The following AFG1L variants were observed in gnomAD, a reference collection of about 807,000 sequenced individuals.
AFG1L encodes AFG1-like ATPase.
In AFG1L, 53 loss-of-function variants were observed where a neutral mutation model predicts 62.2. The observed-to-expected ratio is 0.85, with a 90% confidence interval of 0.68 to 1.07. The LOEUF (loss-of-function observed/expected upper bound fraction) is 1.07. Among genes scored for constraint, AFG1L ranks in the 50% least tolerant of loss-of-function variants. AFG1L has a pLI of 0.00. For synonymous variants in AFG1L, 228 were observed against 210.3 expected (o/e 1.08, Z -0.73); for missense variants, 555 against 590.5 (o/e 0.94, Z 0.62).
At chr6:108,406,760 G>A in intron 7 of AFG1L, among the ~76,000 whole-genome samples, 1 of 152,066 alleles carries the variant, frequency 6.6e-6, no homozygotes, top group East Asian at 1.9e-4. Flanking sequence ...TTTTCAAATT[G>A]GGCAACATCT....
intron 6 of AFG1L, among the ~76,000 whole-genome samples, chr6:108,399,175 TTTG>T (rs529343131): frequency 0.035 from 4,136 of 117,008 alleles, 219 homozygotes; most frequent in South Asian, 0.081. Context: ...ACTTCTTTTG[TTTG>T]TTTTTTTTTT....
At chr6:108,405,835 G>A (rs1484713062) in intron 7 of AFG1L, among the ~76,000 whole-genome samples, 1 of 152,150 alleles carries the variant, frequency 6.6e-6, no homozygotes, top group Non-Finnish European at 1.5e-5. Flanking sequence ...GTCTGCCTCT[G>A]TGAATTTGTC....
intron 10 of AFG1L, among the ~76,000 whole-genome samples, chr6:108,490,526 A>G (rs1430073622): frequency 6.6e-6 from 1 of 152,248 alleles, no homozygotes; most frequent in African/African-American, 2.4e-5. Context: ...AAAAACTGTA[A>G]GTTGTAAATT....
intron 6 of AFG1L, among the ~76,000 whole-genome samples, chr6:108,381,202 A>G (rs1311167323): frequency 6.6e-6 from 1 of 152,250 alleles, no homozygotes; most frequent in Non-Finnish European, 1.5e-5. Context: ...ATAGGAAATT[A>G]TTTGAAAAGT....
chr6:108,326,726 G>A (rs183922510), intron 2 of AFG1L, among the ~76,000 whole-genome samples: 243 of 152,248 alleles, frequency 1.6e-3, no homozygotes, highest in African/African-American at 4.9e-3. Flanking sequence ...TTGGGAAGCC[G>A]AGGTGGGCAG....
intron 10 of AFG1L, among the ~76,000 whole-genome samples, chr6:108,487,015 T>C (rs988964204): frequency 1.3e-5 from 2 of 152,236 alleles, no homozygotes; most frequent in African/African-American, 2.4e-5. Flanking sequence ...AGTCAGCAAC[T>C]ATTTCTTAAG....
intron 7 of AFG1L, among the ~76,000 whole-genome samples, chr6:108,404,737 A>ATTTG (rs1434533449): frequency 6.6e-6 from 1 of 151,720 alleles, no homozygotes; most frequent in African/African-American, 2.4e-5. Context: ...TTATTTATTT[A>ATTTG]TTTATTTTGA....
chr6:108,351,996 G>C (rs1779100695), intron 3 of AFG1L, among the ~76,000 whole-genome samples: 1 of 152,084 alleles, frequency 6.6e-6, no homozygotes, highest in Non-Finnish European at 1.5e-5. Context: ...AACATTTTCA[G>C]TGTATAATTC....
intron 2 of AFG1L, among the ~76,000 whole-genome samples, chr6:108,335,129 G>T (rs1562091150): frequency 1.3e-5 from 2 of 152,072 alleles, no homozygotes; most frequent in Admixed American, 6.6e-5. Context: ...AAGCAGCTGG[G>T]ATTATAGGCG....
At chr6:108,409,726 G>A (rs1485311938) in intron 7 of AFG1L, among the ~76,000 whole-genome samples, 1 of 152,050 alleles carries the variant, frequency 6.6e-6, no homozygotes, top group African/African-American at 2.4e-5. Context: ...AAAAGCAGAT[G>A]ATAGAATCAA....
At chr6:108,303,190 G>A (rs1777075699) in intron 1 of AFG1L, among the ~76,000 whole-genome samples, 1 of 152,122 alleles carries the variant, frequency 6.6e-6, no homozygotes, top group Non-Finnish European at 1.5e-5. Flanking sequence ...GGGATTACAG[G>A]CATGAGCCAC....
intron 6 of AFG1L, among the ~76,000 whole-genome samples, chr6:108,375,501 C>A (rs1029625012): frequency 6.6e-6 from 1 of 151,868 alleles, no homozygotes; most frequent in South Asian, 2.1e-4. Flanking sequence ...TGTGTTCCTG[C>A]GGTGTCTAGT....
intron 1 of AFG1L, among the ~76,000 whole-genome samples, chr6:108,319,312 C>T (rs889789539): frequency 3.3e-5 from 5 of 152,208 alleles, no homozygotes; most frequent in African/African-American, 1.2e-4. Context: ...ATGATCTCCA[C>T]TCACTGCAGC....
At chr6:108,318,307 T>G in intron 1 of AFG1L, 1 of 397,972 alleles carries the variant, frequency 2.5e-6, no homozygotes, top group Non-Finnish European at 4.8e-6. Flanking sequence ...TTGAATGCGT[T>G]GAGCCCAACT....
chr6:108,403,140 A>T (rs1440813827), intron 7 of AFG1L, among the ~76,000 whole-genome samples: 1 of 152,158 alleles, frequency 6.6e-6, no homozygotes, highest in Non-Finnish European at 1.5e-5. Flanking sequence ...CACATTATTT[A>T]TAATCTAGTT....
intron 6 of AFG1L, among the ~76,000 whole-genome samples, chr6:108,376,932 T>C (rs1005585935): frequency 3.9e-5 from 6 of 152,210 alleles, no homozygotes; most frequent in African/African-American, 1.4e-4. Context: ...GTTGGATACA[T>C]ATATATTTAG....
chr6:108,519,613 A>G (rs1437546503), intron 11 of AFG1L, 84 bp from the exon 12 acceptor site: 8 of 746,732 alleles, frequency 1.1e-5, no homozygotes, highest in Non-Finnish European at 1.8e-5. Context: ...TGTGAAAAAC[A>G]GACTTTTATT....
chr6:108,328,654 C>T (rs1778153608), intron 2 of AFG1L, among the ~76,000 whole-genome samples: 1 of 151,882 alleles, frequency 6.6e-6, no homozygotes, highest in Non-Finnish European at 1.5e-5. Flanking sequence ...CTGTCTGCCC[C>T]AGCCTCCTGG....
intron 3 of AFG1L, among the ~76,000 whole-genome samples, chr6:108,354,291 T>G (rs1375366289): frequency 6.6e-6 from 1 of 152,148 alleles, no homozygotes; most frequent in African/African-American, 2.4e-5. Flanking sequence ...CACATAGTAC[T>G]GAACCCTATG....
Sources: allele counts gnomAD v4.1 joint callset (sites outside exome capture counted in the v4.1 genomes callset), GRCh38; gene constraint gnomAD v4.1.1; transcripts MANE v1.5; gene names NCBI Gene and HGNC (gene_info 2026-07-23, HGNC 2026-07-21).